The following RPS6KC1 variants were observed in gnomAD, a reference collection of about 807,000 sequenced individuals.
RPS6KC1 encodes inactive ribosomal protein S6 kinase delta-1.
Under a neutral mutation model 103.8 loss-of-function variants are expected in RPS6KC1, and 54 were observed. The observed-to-expected ratio is 0.52, with a 90% CI of 0.42 to 0.65. RPS6KC1 has a LOEUF of 0.65. Ranked by LOEUF, RPS6KC1 falls within the 30% of genes least tolerant of loss-of-function variation. The pLI is 0.00. For synonymous variants in RPS6KC1, 439 were observed against 438.7 expected, an observed-to-expected ratio of 1.00 and a Z score of -0.01; for missense variants, 1,151 against 1,253.8, an observed-to-expected ratio of 0.92 and a Z score of 1.24.
At chr1:213,361,550 C>T in the RPS6KC1 span, among the ~76,000 whole-genome samples, 1 of 152,244 alleles carries the variant, frequency 6.6e-6, no homozygotes, top group Non-Finnish European at 1.5e-5. Context: ...GCTCAGTGCG[C>T]TGCACCCACT....
the RPS6KC1 span, among the ~76,000 whole-genome samples, chr1:213,611,168 A>C: frequency 4.0e-5 from 6 of 151,786 alleles, no homozygotes; most frequent in African/African-American, 1.4e-4. Context: ...TTCCCACTTT[A>C]TTTTCTTTTA....
At chr1:213,615,349 T>C in the RPS6KC1 span, among the ~76,000 whole-genome samples, 6 of 152,204 alleles carry the variant, frequency 3.9e-5, no homozygotes. Context: ...GGCTTTTGCA[T>C]TGGCCAATGT....
At chr1:213,310,172 G>A in the RPS6KC1 span, among the ~76,000 whole-genome samples, 1 of 152,110 alleles carries the variant, frequency 6.6e-6, no homozygotes, top group Admixed American at 6.6e-5. Context: ...CCTTGTCCCT[G>A]TGTTGTCTGT....
At chr1:213,204,861 T>G (rs2093290013) in intron 8 of RPS6KC1, among the ~76,000 whole-genome samples, 1 of 152,282 alleles carries the variant, frequency 6.6e-6, no homozygotes, top group South Asian at 2.1e-4. Flanking sequence ...TCTCCTGGGC[T>G]CAAGGAGATT....
chr1:213,096,906 A>T (rs1039430085), intron 3 of RPS6KC1, among the ~76,000 whole-genome samples: 1 of 152,206 alleles, frequency 6.6e-6, no homozygotes, highest in African/African-American at 2.4e-5. Context: ...ACAGAAATAT[A>T]TAGGTAAATA....
the RPS6KC1 span, among the ~76,000 whole-genome samples, chr1:213,432,190 A>T: frequency 7.2e-5 from 11 of 152,312 alleles, no homozygotes; most frequent in Admixed American, 1.3e-4. Flanking sequence ...GTGTGCACAC[A>T]CATATTTATT....
the RPS6KC1 span, among the ~76,000 whole-genome samples, chr1:213,294,312 G>A: frequency 5.6e-4 from 86 of 152,300 alleles, 1 homozygote; most frequent in African/African-American, 2.0e-3. Flanking sequence ...GCTGCAAGGG[G>A]TCACAGCAGA....
chr1:213,061,878 A>G (rs1190905801), intron 1 of RPS6KC1, among the ~76,000 whole-genome samples: 2 of 152,182 alleles, frequency 1.3e-5, no homozygotes, highest in African/African-American at 4.8e-5. Flanking sequence ...TGTAATTACT[A>G]GTATTAATTT....
intron 6 of RPS6KC1, among the ~76,000 whole-genome samples, chr1:213,160,740 A>G (rs963883882): frequency 1.2e-4 from 18 of 152,090 alleles, no homozygotes; most frequent in Admixed American, 7.9e-4. Context: ...TGAGCAAACT[A>G]TCGCAAGGAC....
chr1:213,119,249 C>A (rs1482289354), intron 5 of RPS6KC1, among the ~76,000 whole-genome samples: 1 of 151,330 alleles, frequency 6.6e-6, no homozygotes, highest in Admixed American at 6.6e-5. Flanking sequence ...GAATTTGAGA[C>A]CAGCCTGGCC....
intron 6 of RPS6KC1, among the ~76,000 whole-genome samples, chr1:213,148,944 C>G (rs955896260): frequency 2.0e-5 from 3 of 152,050 alleles, no homozygotes; most frequent in Non-Finnish European, 4.4e-5. Flanking sequence ...TTCTTCTAGA[C>G]TTTCCAATTT....
At chr1:213,410,928 T>C in the RPS6KC1 span, among the ~76,000 whole-genome samples, 2 of 150,750 alleles carry the variant, frequency 1.3e-5, no homozygotes, top group African/African-American at 4.9e-5. Context: ...GAGATGAGGG[T>C]TGGAAGGGGT....
At chr1:213,292,263 AAATT>A in the RPS6KC1 span, among the ~76,000 whole-genome samples, 1 of 622 alleles carries the variant, frequency 1.6e-3, no homozygotes, top group African/African-American at 2.2e-3. Context: ...TAATAAAATT[AAATT>A]AAATTAAAAA....
At chr1:213,573,640 T>G in the RPS6KC1 span, among the ~76,000 whole-genome samples, 4 of 152,208 alleles carry the variant, frequency 2.6e-5, no homozygotes, top group Non-Finnish European at 5.9e-5. Flanking sequence ...AGAATATTGC[T>G]TTTTCCTGGA....
chr1:213,726,409 G>A, the RPS6KC1 span, among the ~76,000 whole-genome samples: 2 of 152,132 alleles, frequency 1.3e-5, no homozygotes, highest in Non-Finnish European at 2.9e-5. Context: ...AAGGCAGATG[G>A]CACTAACTGT....
intron 8 of RPS6KC1, among the ~76,000 whole-genome samples, chr1:213,209,692 T>G (rs2093448223): frequency 2.5e-5 from 1 of 39,242 alleles, no homozygotes; most frequent in Non-Finnish European, 5.1e-5. Flanking sequence ...CAAAACTCCG[T>G]CTCAAAAAAA....
At chr1:213,815,718 T>C in the RPS6KC1 span, among the ~76,000 whole-genome samples, 7 of 152,244 alleles carry the variant, frequency 4.6e-5, no homozygotes, top group African/African-American at 1.4e-4. Context: ...ACTTTCTCGC[T>C]ATTAGCAAAA....
chr1:213,116,086 G>C (rs966533442), intron 4 of RPS6KC1, among the ~76,000 whole-genome samples: 1 of 151,930 alleles, frequency 6.6e-6, no homozygotes, highest in Non-Finnish European at 1.5e-5. Flanking sequence ...GTGCAGAGCT[G>C]AGTTCAATTC....
downstream of RPS6KC1, among the ~76,000 whole-genome samples, chr1:213,278,314 T>C (rs1270914581): frequency 6.6e-6 from 1 of 152,024 alleles, no homozygotes; most frequent in African/African-American, 2.4e-5. Flanking sequence ...TGTAGAAGAA[T>C]TGGAGCCTGT....
Sources: gnomAD v4.1 joint callset for allele counts (sites outside exome capture counted in the v4.1 genomes callset) on GRCh38, gnomAD v4.1.1 for gene constraint, MANE v1.5 for transcripts, NCBI Gene and HGNC (gene_info 2026-07-23, HGNC 2026-07-21) for gene names.